The following CAPN14 variants were observed in gnomAD, a reference collection of about 807,000 sequenced individuals.
The protein encoded by CAPN14 is calpain-14.
CAPN14 carries 94 observed loss-of-function variants against 101.3 expected under a neutral mutation model. That is an observed-to-expected ratio of 0.93 (90% CI 0.79 to 1.10). CAPN14 has a LOEUF of 1.10. Among genes scored for constraint, CAPN14 ranks in the 50% least tolerant of loss-of-function variants. CAPN14 has a pLI of 0.00. For synonymous variants in CAPN14, 338 were observed against 317.9 expected, an observed-to-expected ratio of 1.06 and a Z score of -0.67; for missense variants, 837 against 828.4, an observed-to-expected ratio of 1.01 and a Z score of -0.13.
At chr2:31,191,557 C>A in intron 11 of CAPN14, 150 bp from the exon 12 acceptor site, 1 of 706,308 alleles carries the variant, frequency 1.4e-6, no homozygotes, top group Non-Finnish European at 2.3e-6. Context: ...TCCCACAAGA[C>A]CTGCTGTTCT....
At chr2:31,221,275 T>C (rs557587612), upstream of CAPN14, among the ~76,000 whole-genome samples, 25 of 152,324 alleles carry the variant, frequency 1.6e-4, no homozygotes, top group African/African-American at 5.5e-4. Context: ...TTGAGTGAAT[T>C]CTGATTGACA....
intron 12 of CAPN14, among the ~76,000 whole-genome samples, chr2:31,191,138 A>C (rs1681155484): frequency 1.3e-5 from 2 of 152,170 alleles, no homozygotes; most frequent in South Asian, 2.1e-4. Context: ...ATAAATTCTA[A>C]AATGTATTGG....
intron 1 of CAPN14, among the ~76,000 whole-genome samples, chr2:31,210,706 T>C (rs1313014268): frequency 6.6e-6 from 1 of 152,186 alleles, no homozygotes; most frequent in Non-Finnish European, 1.5e-5. Flanking sequence ...TGTATACTTT[T>C]AGAGAAAATT....
chr2:31,205,267 G>T lies in CAPN14; in HGVS notation c.181C>A (p.Leu61Met), dbSNP rs1227997450. 6.5e-7 allele frequency: 1 copy of T among 1,549,890 alleles called. No individual in the cohort carries two copies. The highest frequency in any genetic ancestry group is 2.0e-5 in the Admixed American group (1 of 50,980). Residue 61 changes from leucine to methionine, a missense_variant, in exon 2 of 22, where the codon CTG becomes ATG. Coordinates refer to ENST00000403897, the MANE Select transcript of CAPN14 (RefSeq NM_001145122.2). ...AGGCGGGGTGGCAGCTTCTGCAGCA[G>T]GGAGCCACTGCCGATGGAGCTCAGG... ...ATLSSIGSGS[L>M]LQKLPPRLQW...
At chr2:31,233,825 G>A (rs1683267282) in exon 1 of CAPN14, 1 of 152,102 alleles carries the variant, frequency 6.6e-6, no homozygotes, top group Non-Finnish European at 1.5e-5. Context: ...AGCAACTGAA[G>A]GAGAGGCGAT....
At chr2:31,220,504 T>C (rs1682829811), upstream of CAPN14, among the ~76,000 whole-genome samples, 1 of 152,204 alleles carries the variant, frequency 6.6e-6, no homozygotes, top group Non-Finnish European at 1.5e-5. Context: ...CAGGCTGTGG[T>C]GGCTGCAGCA....
At chr2:31,202,982 G>T (rs1350469034) in intron 3 of CAPN14, 88 bp downstream of exon 3, 19 of 1,145,298 alleles carry the variant, frequency 1.7e-5, no homozygotes, top group Non-Finnish European at 2.4e-5. Context: ...GGGATCTCTG[G>T]CTTCTCTTCT....
chr2:31,181,945 T>C (rs1289528679), intron 16 of CAPN14, among the ~76,000 whole-genome samples: 1 of 151,908 alleles, frequency 6.6e-6, no homozygotes, highest in Non-Finnish European at 1.5e-5. Flanking sequence ...GGGTTGGTTC[T>C]AAGTCTTTGC....
intron 2 of CAPN14, among the ~76,000 whole-genome samples, chr2:31,204,870 C>T (rs1310743051): frequency 6.6e-6 from 1 of 152,186 alleles, no homozygotes; most frequent in Non-Finnish European, 1.5e-5. Flanking sequence ...AATCACGGTC[C>T]TGATTTATGG....
upstream of CAPN14, among the ~76,000 whole-genome samples, chr2:31,218,446 C>A (rs1048745268): frequency 3.9e-5 from 6 of 152,170 alleles, no homozygotes; most frequent in Non-Finnish European, 7.3e-5. Flanking sequence ...TCTTCCTCCC[C>A]GCCTGCTTCT....
intron 10 of CAPN14, 113 bp downstream of exon 10, chr2:31,193,018 C>G (rs952615915): frequency 2.7e-5 from 29 of 1,074,394 alleles, no homozygotes; most frequent in Non-Finnish European, 3.6e-5. Flanking sequence ...GCAAGCAGAG[C>G]CTCCTCCCCA....
chr2:31,187,876 C>T (rs1680986332), intron 14 of CAPN14, 62 bp from the exon 15 acceptor site: 2 of 1,286,616 alleles, frequency 1.6e-6, no homozygotes, highest in African/African-American at 1.5e-5. Flanking sequence ...CTTTCGTGCA[C>T]ACCCTAATGT....
At chr2:31,202,453 G>T (rs977484010) in intron 3 of CAPN14, among the ~76,000 whole-genome samples, 1 of 152,140 alleles carries the variant, frequency 6.6e-6, no homozygotes, top group Non-Finnish European at 1.5e-5. Context: ...CCCAAAACCA[G>T]AGCCATGTTC....
intron 8 of CAPN14, among the ~76,000 whole-genome samples, chr2:31,195,400 G>A (rs369371605): frequency 2.0e-5 from 3 of 152,254 alleles, no homozygotes; most frequent in South Asian, 2.1e-4. Flanking sequence ...GCAGTGGTGC[G>A]ATCTCAGCTC....
chr2:31,177,045 C>T lies in CAPN14; in HGVS notation c.1953G>A (p.Leu651=). Residue 651 remains leucine (L), a synonymous_variant, in exon 20 of 22, where the codon CTG becomes CTA. Coordinates refer to ENST00000403897, the MANE Select transcript of CAPN14 (RefSeq NM_001145122.2). ...MDFVSFIHLM[L]RVENMEDVFQ... is the part of the protein sequence containing the mutation. The stretch of plus-strand genomic sequence containing the variant: ...GCTTACCCTCCATGTTCTCTACACG[C>T]AGCATCAAGTGGATGAAACTGACAA... 6.4e-7 allele frequency: 1 copy of T among 1,551,368 alleles called. No homozygotes were observed.
intron 1 of CAPN14, among the ~76,000 whole-genome samples, chr2:31,210,671 A>G (rs1047591718): frequency 6.6e-6 from 1 of 152,196 alleles, no homozygotes; most frequent in Non-Finnish European, 1.5e-5. Flanking sequence ...CCACTACTCA[A>G]TGATAGTCAT....
intron 1 of CAPN14, among the ~76,000 whole-genome samples, chr2:31,211,249 A>AGAGGGAGG (rs10649696): frequency 2.0e-5 from 3 of 150,558 alleles, no homozygotes; most frequent in South Asian, 4.2e-4. Flanking sequence ...AGAGAGAAAG[A>AGAGGGAGG]GAGGGAGGGA....
intron 17 of CAPN14, among the ~76,000 whole-genome samples, chr2:31,179,075 T>C (rs909450143): frequency 1.4e-5 from 2 of 146,228 alleles, no homozygotes; most frequent in African/African-American, 2.5e-5. Context: ...TATATATATA[T>C]ATATATATAT....
At chr2:31,214,717 G>A (rs1682555130) in intron 1 of CAPN14, among the ~76,000 whole-genome samples, 1 of 152,146 alleles carries the variant, frequency 6.6e-6, no homozygotes. Flanking sequence ...ACAAATCTTT[G>A]CAGAGAATAA....
Sources: allele counts gnomAD v4.1 joint callset (sites outside exome capture counted in the v4.1 genomes callset), GRCh38; gene constraint gnomAD v4.1.1; transcripts MANE v1.5; gene names NCBI Gene and HGNC (gene_info 2026-07-23, HGNC 2026-07-21).